The following ARID2 variants were observed in gnomAD, a reference collection of about 807,000 sequenced individuals.
ARID2 encodes AT-rich interaction domain 2.
In ARID2, 32 loss-of-function variants were observed where a neutral mutation model predicts 184.6. That is an observed-to-expected ratio of 0.17 (90% CI 0.13 to 0.23). The LOEUF (loss-of-function observed/expected upper bound fraction) is 0.23. ARID2 is among the 10% of genes least tolerant of loss of function. The probability of loss-of-function intolerance (pLI) is 1.00; values close to 1 mark genes in which losing one functional copy is unlikely to be tolerated. For synonymous variants in ARID2, 836 were observed against 772.6 expected (o/e 1.08, Z -1.36); for missense variants, 1,696 against 2,197.6 (o/e 0.77, Z 4.56).
At chr12:45,830,106 A>G (rs926132682) in intron 6 of ARID2, among the ~76,000 whole-genome samples, 3 of 150,372 alleles carry the variant, frequency 2.0e-5, no homozygotes, top group Admixed American at 6.6e-5. Flanking sequence ...AATATATAAT[A>G]TGTAAATTAA....
intron 16 of ARID2, among the ~76,000 whole-genome samples, chr12:45,876,673 A>G (rs1944014993): frequency 3.3e-5 from 5 of 152,066 alleles, no homozygotes; most frequent in Admixed American, 3.3e-4. Context: ...TAATAATGAA[A>G]GTGTTTTAAA....
At chr12:45,763,543 A>G (rs1003310966) in intron 3 of ARID2, among the ~76,000 whole-genome samples, 1 of 151,520 alleles carries the variant, frequency 6.6e-6, no homozygotes, top group Non-Finnish European at 1.5e-5. Flanking sequence ...TACTGTTGTT[A>G]TTGTTTTCAG....
intron 16 of ARID2, among the ~76,000 whole-genome samples, chr12:45,877,326 G>A (rs1944026242): frequency 6.6e-6 from 1 of 151,904 alleles, no homozygotes; most frequent in Non-Finnish European, 1.5e-5. Flanking sequence ...GGCGGCATTG[G>A]ATTCTCATAG....
At chr12:45,767,645 A>G (rs4768098) in intron 3 of ARID2, among the ~76,000 whole-genome samples, 43,823 of 152,088 alleles carry the variant, frequency 0.29, 6,601 homozygotes, top group East Asian at 0.33. Context: ...CTTGGGCAAT[A>G]TAGCAAGACT....
chr12:45,762,354 G>A (rs1182698765), intron 3 of ARID2, among the ~76,000 whole-genome samples: 3 of 152,132 alleles, frequency 2.0e-5, no homozygotes, highest in Admixed American at 6.5e-5. Context: ...ACACTTGTCC[G>A]TAGGCACTGC....
intron 3 of ARID2, among the ~76,000 whole-genome samples, chr12:45,760,172 G>A (rs779558078): frequency 2.0e-5 from 3 of 151,968 alleles, no homozygotes; most frequent in Non-Finnish European, 1.5e-5. Context: ...GCTCTCTTTT[G>A]GTTGTTGATT....
chr12:45,835,404 A>G (rs1433806639), intron 6 of ARID2, among the ~76,000 whole-genome samples: 1 of 152,064 alleles, frequency 6.6e-6, no homozygotes, highest in East Asian at 1.9e-4. Context: ...ATTGTTTGTC[A>G]TAGATTTTTT....
intron 16 of ARID2, among the ~76,000 whole-genome samples, chr12:45,887,031 G>A (rs1944203254): frequency 6.6e-6 from 1 of 152,166 alleles, no homozygotes; most frequent in Admixed American, 6.5e-5. Flanking sequence ...TTTCTCCCCA[G>A]AAAATGGGTT....
intron 16 of ARID2, among the ~76,000 whole-genome samples, chr12:45,866,147 T>TA (rs1431674521): frequency 6.6e-6 from 1 of 152,102 alleles, no homozygotes; most frequent in African/African-American, 2.4e-5. Context: ...TAATACTCAT[T>TA]AATATGACTA....
At chr12:45,781,804 A>G (rs1334815090) in intron 3 of ARID2, among the ~76,000 whole-genome samples, 2 of 152,236 alleles carry the variant, frequency 1.3e-5, no homozygotes, top group Non-Finnish European at 2.9e-5. Flanking sequence ...CACAATGCAC[A>G]TTAACATACT....
At chr12:45,860,480 A>G (rs1466539075) in intron 15 of ARID2, among the ~76,000 whole-genome samples, 2 of 152,072 alleles carry the variant, frequency 1.3e-5, no homozygotes, top group African/African-American at 2.4e-5. Context: ...GGGTACATTT[A>G]TAGTATATTT....
chr12:45,838,101 A>T (rs761826620), intron 10 of ARID2, among the ~76,000 whole-genome samples: 14 of 152,208 alleles, frequency 9.2e-5, no homozygotes, highest in Non-Finnish European at 1.5e-4. Flanking sequence ...CAAAACTGCT[A>T]TATCTAACTT....
chr12:45,746,493 T>G (rs549806872), intron 3 of ARID2, among the ~76,000 whole-genome samples: 2 of 151,746 alleles, frequency 1.3e-5, no homozygotes, highest in Admixed American at 1.3e-4. Flanking sequence ...ATGCTAAAGT[T>G]TTTTTTTTAA....
chr12:45,733,698 T>G (rs1941049700), intron 3 of ARID2, among the ~76,000 whole-genome samples: 1 of 152,204 alleles, frequency 6.6e-6, no homozygotes, highest in African/African-American at 2.4e-5. Context: ...TTCATAATAT[T>G]ACAGATAATT....
intron 6 of ARID2, 83 bp from the exon 7 acceptor site, chr12:45,836,506 A>G: frequency 2.3e-6 from 3 of 1,307,830 alleles, no homozygotes; most frequent in South Asian, 3.1e-5. Flanking sequence ...ATGAGCCACC[A>G]TACCTAGCCT....
chr12:45,881,067 C>A, intron 16 of ARID2: 1 of 169,020 alleles, frequency 5.9e-6, no homozygotes, highest in South Asian at 1.5e-4. Flanking sequence ...GCTGCAGGTT[C>A]TGCTGCAGGC....
chr12:45,768,830 A>G (rs1257110155), intron 3 of ARID2, among the ~76,000 whole-genome samples: 2 of 152,038 alleles, frequency 1.3e-5, no homozygotes, highest in Non-Finnish European at 2.9e-5. Context: ...GCTTCAGCAC[A>G]TTGTTGAAAA....
chr12:45,790,387 C>CTT (rs1942273335), intron 3 of ARID2, among the ~76,000 whole-genome samples: 1 of 151,976 alleles, frequency 6.6e-6, no homozygotes, highest in South Asian at 2.1e-4. Context: ...GTTTAAAAAA[C>CTT]TTGGAATTTG....
chr12:45,805,808 A>G (rs1334330314), intron 3 of ARID2, among the ~76,000 whole-genome samples: 2 of 152,106 alleles, frequency 1.3e-5, no homozygotes, highest in Non-Finnish European at 1.5e-5. Context: ...AAAGTATATA[A>G]TTCAGTATTG....
Sources: allele counts gnomAD v4.1 joint callset (sites outside exome capture counted in the v4.1 genomes callset), GRCh38; gene constraint gnomAD v4.1.1; transcripts MANE v1.5; gene names NCBI Gene and HGNC (gene_info 2026-07-23, HGNC 2026-07-21).